KATNBL1: variants seen among roughly 807,000 people sequenced by gnomAD.
The protein encoded by KATNBL1 is katanin regulatory subunit B1 like 1.
In KATNBL1, 28 loss-of-function variants were observed where a neutral mutation model predicts 44.7. The ratio of observed to expected loss-of-function variants is 0.63; its 90% confidence interval spans 0.46 to 0.86. The LOEUF is 0.86. Ranked by LOEUF, KATNBL1 falls within the 40% of genes least tolerant of loss-of-function variation. The probability of loss-of-function intolerance (pLI) is 0.00; values close to 1 mark genes in which losing one functional copy is unlikely to be tolerated. For synonymous variants in KATNBL1, 78 were observed against 114.9 expected, an observed-to-expected ratio of 0.68 and a Z score of 2.06; for missense variants, 272 against 350.7, an observed-to-expected ratio of 0.78 and a Z score of 1.79.
chr15:34,142,434 A>ATT, intron 9 of KATNBL1, 63 bp from the exon 10 acceptor site: 5 of 1,460,432 alleles, frequency 3.4e-6, no homozygotes, highest in East Asian at 2.5e-5. Flanking sequence ...TAAACAATCC[A>ATT]TTTTTTTTTG....
intron 1 of KATNBL1, chr15:34,209,027 C>T: frequency 6.6e-6 from 1 of 152,172 alleles, no homozygotes. Flanking sequence ...TCTTAATACG[C>T]CCAGCGCATA....
chr15:34,168,993 T>C (rs1246106933), intron 1 of KATNBL1, among the ~76,000 whole-genome samples: 1 of 151,802 alleles, frequency 6.6e-6, no homozygotes, highest in Non-Finnish European at 1.5e-5. Context: ...GCAGGAAAGA[T>C]CTACAATCGA....
At chr15:34,206,456 T>C (rs1890294013) in intron 1 of KATNBL1, among the ~76,000 whole-genome samples, 1 of 152,138 alleles carries the variant, frequency 6.6e-6, no homozygotes, top group Admixed American at 6.5e-5. Flanking sequence ...AATACTTAGA[T>C]GAGCAAGAAA....
intron 5 of KATNBL1, chr15:34,148,264 T>G (rs1888367593): frequency 6.5e-6 from 1 of 154,126 alleles, no homozygotes; most frequent in South Asian, 2.0e-4. Context: ...AAACATTGTT[T>G]TCTGTATTTT....
intron 4 of KATNBL1, among the ~76,000 whole-genome samples, chr15:34,149,739 A>G (rs1181769878): frequency 6.6e-6 from 1 of 152,206 alleles, no homozygotes; most frequent in Non-Finnish European, 1.5e-5. Context: ...TTACTTTTAA[A>G]GAACAACAGC....
In KATNBL1 at chr15:34,142,182, A is replaced by G. The variant is rs1291799276; in HGVS notation, c.*157T>C. Reference sequence around the variant, plus strand: ...CTTCAATGTGAAGCAGATTGCTGGGATTTCATTAGTGGTTTCATTACGTGG... The same window carrying G: ...CTTCAATGTGAAGCAGATTGCTGGGGTTTCATTAGTGGTTTCATTACGTGG... On this transcript the variant is annotated 3_prime_UTR_variant, in exon 10 of 10. Coordinates refer to ENST00000256544, the MANE Select transcript of KATNBL1 (RefSeq NM_024713.3). The G allele has an allele frequency of 4.5e-5, 28 of 621,320 alleles. 1 individual carries two copies. In the South Asian group the frequency reaches 1.1e-3, roughly 25 times the overall value. The allele number at this position is 621,320 out of a possible 1,614,324, so 38.5% of individuals were successfully genotyped here. A position where few individuals can be genotyped will look rare whatever the true frequency, so the allele number is the denominator to read the frequency against.
chr15:34,206,432 G>C (rs1417485081), intron 1 of KATNBL1, among the ~76,000 whole-genome samples: 1 of 152,184 alleles, frequency 6.6e-6, no homozygotes, highest in African/African-American at 2.4e-5. Flanking sequence ...GGGGTATTAA[G>C]CTGGTAGTGA....
At chr15:34,156,217 G>A (rs1211132049) in intron 2 of KATNBL1, among the ~76,000 whole-genome samples, 1 of 152,210 alleles carries the variant, frequency 6.6e-6, no homozygotes, top group African/African-American at 2.4e-5. Context: ...TTTGTCGTGA[G>A]AGACACAAAA....
chr15:34,193,216 C>CAAA (rs34216208), intron 1 of KATNBL1, among the ~76,000 whole-genome samples: 4,882 of 66,056 alleles, frequency 0.074, 487 homozygotes, highest in East Asian at 0.1. Context: ...GACTCCGTCT[C>CAAA]AAAAAAAAAA....
intron 1 of KATNBL1, among the ~76,000 whole-genome samples, chr15:34,173,779 A>G (rs1889243763): frequency 6.6e-6 from 1 of 152,196 alleles, no homozygotes; most frequent in South Asian, 2.1e-4. Context: ...GGGAATAGTT[A>G]GAAGGAATGG....
rs536036652 is a variant in KATNBL1, at chr15:34,191,641, TGA to T, written c.-15+18308_-15+18309del. Among the ~76,000 whole-genome samples the T allele has an allele frequency of 1.1e-4, 16 of 152,226 alleles. No homozygotes were observed. The East Asian group carries it at 2.9e-3, about 28-fold the overall frequency. ...TTATGTGTTTTTTTATTGTTGTTGTTGAGAGTCTTTTAGAAATCCATCCTGGC... is the reference window on the plus strand; with the variant it reads ...TTATGTGTTTTTTTATTGTTGTTGTTGAGTCTTTTAGAAATCCATCCTGGC... On this transcript the variant is annotated intron_variant, in intron 1 of 9. Transcript: ENST00000256544.
intron 2 of KATNBL1, among the ~76,000 whole-genome samples, chr15:34,155,750 T>G (rs942830430): frequency 7.2e-5 from 11 of 152,236 alleles, no homozygotes; most frequent in African/African-American, 2.7e-4. Flanking sequence ...GCTATTCCTT[T>G]AACAGCATCT....
At chr15:34,181,098 T>C (rs1159638362) in intron 1 of KATNBL1, among the ~76,000 whole-genome samples, 1 of 152,188 alleles carries the variant, frequency 6.6e-6, no homozygotes, top group Admixed American at 6.5e-5. Context: ...TTACCTATAG[T>C]GTTCATGGTA....
intron 1 of KATNBL1, among the ~76,000 whole-genome samples, chr15:34,201,005 C>T (rs1029849233): frequency 2.6e-5 from 4 of 151,946 alleles, no homozygotes; most frequent in Non-Finnish European, 5.9e-5. Context: ...TTAGTAAAGA[C>T]AGGGTTTCAC....
chr15:34,145,640 C>T (rs1354449805), intron 8 of KATNBL1, 149 bp from the exon 9 acceptor site: 18 of 682,544 alleles, frequency 2.6e-5, no homozygotes, highest in East Asian at 4.7e-5. Context: ...CATTTGGGAA[C>T]GTGGAGAGAA....
chr15:34,189,942 A>G (rs1889824726), intron 1 of KATNBL1, among the ~76,000 whole-genome samples: 1 of 123,020 alleles, frequency 8.1e-6, no homozygotes, highest in Non-Finnish European at 1.8e-5. Flanking sequence ...AATAAGAAGT[A>G]CATTCTTTTT....
intron 1 of KATNBL1, among the ~76,000 whole-genome samples, chr15:34,194,315 A>T (rs1489939051): frequency 2.6e-5 from 4 of 151,760 alleles, no homozygotes; most frequent in African/African-American, 9.7e-5. Flanking sequence ...TTTTTTTGAA[A>T]ATATGATTTA....
At chr15:34,194,190 T>G (rs1889970683) in intron 1 of KATNBL1, among the ~76,000 whole-genome samples, 1 of 152,210 alleles carries the variant, frequency 6.6e-6, no homozygotes, top group Non-Finnish European at 1.5e-5. Flanking sequence ...TCCACCTGCC[T>G]TGGGCTCACA....
rs34998154 is a variant in KATNBL1, at chr15:34,145,451, C to T, written c.829G>A (p.Glu277Lys). 1.1e-3 allele frequency: 1,673 copies of T among 1,463,362 alleles called. 18 individuals carry two copies. In the African/African-American group the frequency reaches 0.022, roughly 19 times the overall value. The allele number at this position is 1,463,362 out of a possible 1,614,324, so 90.6% of individuals were successfully genotyped here. Reference sequence around the variant, plus strand: ...ACCAAAGTAAGATGGTTTTCCTGTTCCCATAATCCACTTAATTGTTGTTTT... The same window carrying T: ...ACCAAAGTAAGATGGTTTTCCTGTTTCCATAATCCACTTAATTGTTGTTTT... ...ILKQQLSGLW[E>K]QENHLTLVPG... Residue 277 changes from glutamate (E) to lysine (K), a missense_variant, in exon 9 of 10, where the codon GAA becomes AAA. By Grantham distance (56) the Glu-to-Lys change is moderately conservative. Transcript: ENST00000256544.
Sources: gnomAD v4.1 joint callset for allele counts (sites outside exome capture counted in the v4.1 genomes callset) on GRCh38, gnomAD v4.1.1 for gene constraint, MANE v1.5 for transcripts, NCBI Gene and HGNC (gene_info 2026-07-23, HGNC 2026-07-21) for gene names.